Variants in BPIFB4 observed in about 807,000 individuals in gnomAD.
The protein encoded by BPIFB4 is BPI fold containing family B member 4.
Under a neutral mutation model 69.2 loss-of-function variants are expected in BPIFB4, and 62 were observed. That is an observed-to-expected ratio of 0.90 (90% CI 0.73 to 1.11). The LOEUF is 1.11. Among genes scored for constraint, BPIFB4 ranks in the 50% least tolerant of loss-of-function variants. The pLI is 0.00. For synonymous variants in BPIFB4, 330 were observed against 332.7 expected, an observed-to-expected ratio of 0.99 and a Z score of 0.09; for missense variants, 789 against 792.0, an observed-to-expected ratio of 1.00 and a Z score of 0.04.
At position 33,107,805 on chromosome 20, in the gene BPIFB4, C is replaced by T. The variant is rs150261493; in HGVS notation, c.1806C>T (p.Asp602=). The part of the protein sequence containing the change: ...KILNIDFSNA[D]IDVLEDLLVL... ...TCAACATCGACTTTAGCAATGCAGA[C>T]ATTGACGTGTTGGAGGTAAGAGGAG... The change falls in exon 17 of 18, where the codon GAC becomes GAT. Residue 602 remains aspartate (D), a synonymous_variant. Coordinates refer to ENST00000375483, the MANE Select transcript of BPIFB4 (RefSeq NM_182519.3). The T allele has an allele frequency of 1.2e-6, 2 of 1,613,966 alleles. No homozygotes were observed. The highest frequency in any genetic ancestry group is 1.3e-5 in the African/African-American group (1 of 75,050).
Position 33,097,738 on chromosome 20 carries a change from T to C in BPIFB4, c.1520T>C (p.Met507Thr), listed in dbSNP as rs374027770. 8.7e-6 allele frequency: 14 copies of C among 1,614,080 alleles called. No homozygotes were observed. The highest frequency in any genetic ancestry group is 6.7e-5 in the East Asian group (3 of 44,894). Residue 507 changes from methionine to threonine, a missense_variant, in exon 13 of 18, where the codon ATG (methionine) becomes ACG (threonine). By Grantham distance (81) the Met-to-Thr change is moderately conservative. This residue lies in a region of BPIFB4 where 170 missense variants were observed against 193.6 expected (regional missense o/e 0.88). Coordinates refer to ENST00000375483, the MANE Select transcript of BPIFB4 (RefSeq NM_182519.3). ...AAGGTGTTGGCCACTGCCGAGGTCA[T>C]GGTCTCCCAGCCCAAAGACCTGGAG... The part of the protein sequence containing the change: ...LVKVLATAEV[M>T]VSQPKDLETT...
intron 10 of BPIFB4, among the ~76,000 whole-genome samples, chr20:33,091,132 T>C (rs554396190): frequency 2.0e-5 from 3 of 152,298 alleles, no homozygotes; most frequent in South Asian, 2.1e-4. Context: ...AGCTAATAAA[T>C]GTGGACCTGG....
chr20:33,092,979 A>T (rs139032422), intron 11 of BPIFB4, among the ~76,000 whole-genome samples: 38 of 152,374 alleles, frequency 2.5e-4, no homozygotes, highest in African/African-American at 7.5e-4. Context: ...ATAAATGTTT[A>T]GAATGTTTTC....
In BPIFB4 at chr20:33,082,977, C is replaced by T. The variant is rs778561490; in HGVS notation, c.146C>T (p.Ser49Leu). ...GMLQQSDALH[S>L]ALREVPLGVG... ...CTGCAGCAAAGTGATGCTCTCCACT[C>T]GGCCCTGAGAGAGGTGCCCTTGGGT... The change falls in exon 4 of 18, where the codon TCG becomes TTG. Residue 49 changes from serine (S) to leucine (L), a missense_variant. By Grantham distance (145) the Ser-to-Leu change is moderately radical. Transcript: ENST00000375483. 13 of 1,612,790 alleles carry T rather than the reference C, an allele frequency of 8.1e-6. No homozygotes were observed. Among genetic ancestry groups the T allele is most frequent in the African/African-American group, 2.7e-5 (2 of 74,584 alleles).
rs1307402423 is a variant in BPIFB4 at position 33,083,757 on chromosome 20, AAGGTGGCCTGCTCGGCGG to A, written c.567_584del (p.Gly193_Gly198del). On this transcript the variant is annotated inframe_deletion, in exon 5 of 18. Transcript: ENST00000375483. ...GCAGCTGATGGCATCCTCGCAGGCC[AAGGTGGCCTGCTCGGCGG>A]AGGTGGTCTCCTTGGTGATGGAGGA... 1 of 1,613,620 alleles carries A rather than the reference AAGGTGGCCTGCTCGGCGG, an allele frequency of 6.2e-7. No individual in the cohort carries two copies. The highest frequency in any genetic ancestry group is 2.2e-5 in the East Asian group (1 of 44,844).
chr20:33,107,075 A>C (rs755581332), intron 16 of BPIFB4, among the ~76,000 whole-genome samples: 8 of 152,182 alleles, frequency 5.3e-5, no homozygotes, highest in Non-Finnish European at 1.0e-4. Context: ...GTGGTGGCGC[A>C]CGCCTGTAGT....
At position 33,083,445 on chromosome 20, in the gene BPIFB4, G is replaced by A; in HGVS notation, c.248G>A (p.Gly83Asp). Residue 83 changes from glycine to aspartate, a missense_variant, in exon 5 of 18, where the codon GGT becomes GAT. Coordinates refer to ENST00000375483, the MANE Select transcript of BPIFB4 (RefSeq NM_182519.3). ...TATACCAACGGCAAAAAACTTGATGGTATTTACCAGTATGGTCACATTGAG... is the reference window on the plus strand; with the variant it reads ...TATACCAACGGCAAAAAACTTGATGATATTTACCAGTATGGTCACATTGAG... ...PVYTNGKKLD[G>D]IYQYGHIETN... 2 of 1,613,766 alleles carry A rather than the reference G, an allele frequency of 1.2e-6. No homozygotes were observed. The highest frequency in any genetic ancestry group is 1.7e-6 in the Non-Finnish European group (2 of 1,179,896).
At chr20:33,087,900 G>T (rs963569263) in intron 7 of BPIFB4, among the ~76,000 whole-genome samples, 2 of 152,088 alleles carry the variant, frequency 1.3e-5, no homozygotes, top group African/African-American at 4.8e-5. Flanking sequence ...TTCTAATTAG[G>T]GCTTTATTTC....
In BPIFB4 at chr20:33,092,438, T is replaced by C. The variant is rs1981626018; in HGVS notation, c.1144-20T>C. On this transcript the variant is annotated intron_variant, in intron 10 of 17. Transcript: ENST00000375483. ...CCATCTTCTCCCTCCCTGTGACCCC[T>C]TTCTTCTCTTCTCCCCCAGACGCTG... 2.5e-6 allele frequency: 4 copies of C among 1,601,294 alleles called. No individual in the cohort carries two copies. Among genetic ancestry groups the C allele is most frequent in the Non-Finnish European group, 3.4e-6 (4 of 1,169,600 alleles).
At chr20:33,109,296 CA>C (rs1410717156) in intron 17 of BPIFB4, among the ~76,000 whole-genome samples, 2 of 152,152 alleles carry the variant, frequency 1.3e-5, no homozygotes, top group Non-Finnish European at 2.9e-5. Flanking sequence ...TTATCTTCAT[CA>C]TCATCATCAT....
At chr20:33,096,339 A>G (rs1981752735) in intron 12 of BPIFB4, among the ~76,000 whole-genome samples, 1 of 152,166 alleles carries the variant, frequency 6.6e-6, no homozygotes, top group South Asian at 2.1e-4. Context: ...GCAGTGGCAC[A>G]ATCTCAGCTC....
In BPIFB4 at chr20:33,100,501, G is replaced by T. The variant is rs776474355; in HGVS notation, c.1637+8G>T. 1 of 1,606,350 alleles carries T rather than the reference G, an allele frequency of 6.2e-7. No homozygotes were observed. Among genetic ancestry groups the T allele is most frequent in the Non-Finnish European group, 8.5e-7 (1 of 1,173,050 alleles). On this transcript the variant is annotated splice_region_variant and intron_variant, in intron 14 of 17. Transcript: ENST00000375483. ...TGATGCCAAGCTGGAGAAGTAAGGG[G>T]CTATGCTGCCTTGGGGTCCTGACGG...
chr20:33,093,240 AACCCACCTATCC>A (rs1981660361), intron 11 of BPIFB4, among the ~76,000 whole-genome samples: 1 of 151,172 alleles, frequency 6.6e-6, no homozygotes, highest in African/African-American at 2.4e-5. Context: ...TCCACCCATC[AACCCACCTATCC>A]ACCCACCCAT....
chr20:33,089,178 G>A, intron 8 of BPIFB4, 149 bp downstream of exon 8: 1 of 1,205,180 alleles, frequency 8.3e-7, no homozygotes, highest in Non-Finnish European at 1.2e-6. Flanking sequence ...AGGGTCTGGG[G>A]AGGACCCTGA....
intron 14 of BPIFB4, 28 bp downstream of exon 14, chr20:33,100,521 T>C (rs767915460): frequency 6.3e-7 from 1 of 1,589,722 alleles, no homozygotes; most frequent in Non-Finnish European, 8.6e-7. Flanking sequence ...CTTGGGGTCC[T>C]GACGGTGCTG....
chr20:33,109,983 A>G (rs1343305455), intron 17 of BPIFB4, among the ~76,000 whole-genome samples: 1 of 152,210 alleles, frequency 6.6e-6, no homozygotes, highest in Non-Finnish European at 1.5e-5. Flanking sequence ...CAAACATAGT[A>G]CAGACAGTTC....
At position 33,097,926 on chromosome 20, in the gene BPIFB4, C is replaced by G; in HGVS notation, c.1569+139C>G. 2.2e-6 allele frequency: 2 copies of G among 908,202 alleles called. 1 individual carries two copies. Among genetic ancestry groups the G allele is most frequent in the East Asian group, 5.3e-5 (2 of 37,410 alleles). 56.3% of individuals were successfully genotyped at this position (908,202 alleles called of 1,614,324 possible). ...GGGCCCAACTTTGGGGCCAGAGGCTCTAACCCAAATCTAGCCTTTACCACT... is the reference window on the plus strand; with the variant it reads ...GGGCCCAACTTTGGGGCCAGAGGCTGTAACCCAAATCTAGCCTTTACCACT... On this transcript the variant is annotated intron_variant, in intron 13 of 17. Coordinates refer to ENST00000375483, the MANE Select transcript of BPIFB4 (RefSeq NM_182519.3).
At chr20:33,080,891 G>T (rs1981208963) in intron 2 of BPIFB4, among the ~76,000 whole-genome samples, 2 of 152,106 alleles carry the variant, frequency 1.3e-5, no homozygotes, top group African/African-American at 4.8e-5. Flanking sequence ...ATGGATGGTG[G>T]GATGGGTGGA....
intron 15 of BPIFB4, 89 bp from the exon 16 acceptor site, chr20:33,104,721 C>A: frequency 7.9e-7 from 1 of 1,266,546 alleles, no homozygotes. Flanking sequence ...GTCTGTGTCT[C>A]CACCTTGAGC....
Sources: allele counts gnomAD v4.1 joint callset (sites outside exome capture counted in the v4.1 genomes callset), GRCh38; gene constraint gnomAD v4.1.1; regional missense constraint gnomAD v4.1.1; transcripts MANE v1.5; gene names NCBI Gene and HGNC (gene_info 2026-07-23, HGNC 2026-07-21).